The following MTIF2 variants were observed in gnomAD, a reference collection of about 807,000 sequenced individuals.
MTIF2 encodes the protein mitochondrial translational initiation factor 2.
MTIF2 carries 71 observed loss-of-function variants against 83.5 expected under a neutral mutation model. That is an observed-to-expected ratio of 0.85 (90% CI 0.70 to 1.04). The LOEUF (loss-of-function observed/expected upper bound fraction) is 1.04, where lower values mean the gene tolerates loss of function less well. MTIF2 is among the 50% of genes least tolerant of loss of function. The pLI, the probability that MTIF2 is intolerant of heterozygous loss-of-function variation, is 0.00. For missense variants in MTIF2, 957 were observed against 846.5 expected (o/e 1.13, Z -1.62); for synonymous variants, 319 against 287.1 (o/e 1.11, Z -1.12).
At chr2:55,261,524 T>C (rs1328331990) in intron 5 of MTIF2, among the ~76,000 whole-genome samples, 2 of 151,928 alleles carry the variant, frequency 1.3e-5, no homozygotes, top group Non-Finnish European at 2.9e-5. Context: ...GGAGAACCAC[T>C]TGAACCTGGG....
intron 11 of MTIF2, 120 bp from the exon 12 acceptor site, chr2:55,243,788 A>G: frequency 1.7e-6 from 2 of 1,147,988 alleles, no homozygotes; most frequent in Non-Finnish European, 2.4e-6. Context: ...TACTACTTTT[A>G]TAAGTTTCAA....
At position 55,243,137 on chromosome 2, in the gene MTIF2, T is replaced by C. The variant is rs913962632; in HGVS notation, c.1565-57A>G. On this transcript the variant is annotated intron_variant, in intron 12 of 15. Transcript: ENST00000263629. ...TTTAAGAGTTAGACATCAGCAGACA[T>C]AAAAATGACAATAATCTATTTAAAG... The C allele has an allele frequency of 2.7e-6, 4 of 1,484,914 alleles. No individual in the cohort carries two copies. The African/African-American group carries it at 5.6e-5, about 21-fold the overall frequency. The allele number at this position is 1,484,914 out of a possible 1,614,324, so 92.0% of individuals were successfully genotyped here.
At chr2:55,243,718 C>T in intron 11 of MTIF2, 50 bp from the exon 12 acceptor site, 1 of 1,576,374 alleles carries the variant, frequency 6.3e-7, no homozygotes, top group Non-Finnish European at 8.6e-7. Context: ...TCAATAACTG[C>T]TAGATTAAAG....
intron 5 of MTIF2, among the ~76,000 whole-genome samples, chr2:55,258,938 C>G (rs1320189046): frequency 4.6e-5 from 7 of 151,966 alleles, no homozygotes; most frequent in Non-Finnish European, 1.0e-4. Context: ...TAAGATCATG[C>G]CATTGCACTC....
At chr2:55,251,156 G>A (rs1304229508) in intron 8 of MTIF2, among the ~76,000 whole-genome samples, 1 of 149,474 alleles carries the variant, frequency 6.7e-6, no homozygotes, top group African/African-American at 2.5e-5. Flanking sequence ...TACATTCTAT[G>A]TTGATGAGCT....
At position 55,264,114 on chromosome 2, in the gene MTIF2, A is replaced by C. The variant is rs568638606; in HGVS notation, c.-7-249T>G. 9.8e-5 allele frequency among the ~76,000 whole-genome samples: 15 copies of C among 152,336 alleles called. No individual in the cohort carries two copies. In the South Asian group the frequency reaches 3.1e-3, roughly 32 times the overall value. ...CACTATGATAGAATTGAAATACAAT[A>C]ACAACTTGTAAAAGGCTCTTTTTTC... On this transcript the variant is annotated intron_variant, in intron 3 of 15. Transcript: ENST00000263629.
At chr2:55,256,750 G>A (rs1343340469) in intron 5 of MTIF2, among the ~76,000 whole-genome samples, 1 of 151,856 alleles carries the variant, frequency 6.6e-6, no homozygotes. Context: ...TGTTGCCCAG[G>A]CTAGAGTGCA....
chr2:55,256,230 C>G (rs1187426944), intron 5 of MTIF2, among the ~76,000 whole-genome samples: 4 of 151,868 alleles, frequency 2.6e-5, no homozygotes, highest in African/African-American at 9.7e-5. Flanking sequence ...TTTTCAAATA[C>G]AGAATCCACA....
At chr2:55,244,329 T>C (rs1390012877) in intron 10 of MTIF2, 96 bp from the exon 11 acceptor site, 1 of 890,262 alleles carries the variant, frequency 1.1e-6, no homozygotes, top group African/African-American at 1.7e-5. Flanking sequence ...AACATGTGTA[T>C]ACACAAGATT....
In MTIF2 at chr2:55,251,110, CAAAAAAAA is replaced by C. The variant is rs57949152; in HGVS notation, c.841+1359_841+1366del. ...GGGCAATAAGAGCAAAACTCCGTCT[CAAAAAAAA>C]AAAAAAAAAAAAAAGAAAAGGAAAA... On this transcript the variant is annotated intron_variant, in intron 8 of 15. Coordinates refer to ENST00000263629, the MANE Select transcript of MTIF2 (RefSeq NM_002453.3). Among the ~76,000 whole-genome samples the C allele has an allele frequency of 2.4e-4, 17 of 71,158 alleles. No individual in the cohort carries two copies. In the East Asian group the frequency reaches 5.6e-3, roughly 23 times the overall value. 46.7% of individuals were successfully genotyped at this position (71,158 alleles called of 152,430 possible).
intron 4 of MTIF2, 114 bp from the exon 5 acceptor site, chr2:55,262,541 CT>C (rs66500251): frequency 0.05 from 13,906 of 277,920 alleles, 2 homozygotes; most frequent in South Asian, 0.072. Context: ...CTTTTTTTTT[CT>C]TTTTTTTTTT....
At chr2:55,258,030 G>A (rs565186102) in intron 5 of MTIF2, among the ~76,000 whole-genome samples, 4 of 152,160 alleles carry the variant, frequency 2.6e-5, no homozygotes, top group Non-Finnish European at 2.9e-5. Context: ...GGGCTCAAGC[G>A]ATATGTTTGC....
chr2:55,241,012 C>T (rs1676262148), intron 13 of MTIF2, among the ~76,000 whole-genome samples: 1 of 151,478 alleles, frequency 6.6e-6, no homozygotes, highest in Non-Finnish European at 1.5e-5. Flanking sequence ...TTTTAAGAAG[C>T]AAGTTTCATG....
intron 4 of MTIF2, 45 bp from the exon 5 acceptor site, chr2:55,262,472 T>G (rs371400685): frequency 4.1e-5 from 51 of 1,240,594 alleles, no homozygotes; most frequent in African/African-American, 1.1e-4. Context: ...AAGAAAAAAC[T>G]TAAGTGACAA....
Position 55,236,622 on chromosome 2 carries a change from G to GAGTT in MTIF2, c.*22_*25dup. ...TCTACCTTCAAACAAACAACACGTT[G>GAGTT]AGTTATTTACATTTTTAATGTAATT... On this transcript the variant is annotated 3_prime_UTR_variant, in exon 16 of 16. Transcript: ENST00000263629. 5 of 1,560,004 alleles carry GAGTT rather than the reference G, an allele frequency of 3.2e-6. No homozygotes were observed. Among genetic ancestry groups the GAGTT allele is most frequent in the Non-Finnish European group, 4.3e-6 (5 of 1,157,372 alleles).
In MTIF2 at chr2:55,254,678, C is replaced by A; in HGVS notation, c.479G>T (p.Arg160Ile). 2 of 1,604,334 alleles carry A rather than the reference C, an allele frequency of 1.2e-6. No homozygotes were observed. Among genetic ancestry groups the A allele is most frequent in the Non-Finnish European group, 1.7e-6 (2 of 1,176,168 alleles). The change falls in exon 6 of 16, where the codon AGA becomes ATA. Residue 160 changes from arginine (R) to isoleucine (I), a missense_variant. Physicochemically the swap from Arg to Ile is moderately conservative, Grantham distance 97. This residue lies in a region of MTIF2 where 733 missense variants were observed against 648.7 expected (regional missense o/e 1.13). Transcript: ENST00000263629. ...KWSKLKQDKVRKNKDAVRRPQ... is the reference protein window; with the variant it reads ...KWSKLKQDKVIKNKDAVRRPQ... ...CCTTCTTACAGCATCTTTATTTTTT[C>A]TGACTTTGTCCTGTTTTAATTTACT...
intron 2 of MTIF2, among the ~76,000 whole-genome samples, chr2:55,268,167 C>T (rs559500175): frequency 2.0e-5 from 3 of 151,962 alleles, no homozygotes; most frequent in South Asian, 4.1e-4. Context: ...GCAGGAGAAT[C>T]GCTTGAACCC....
chr2:55,253,901 G>C, intron 7 of MTIF2, 140 bp downstream of exon 7: 1 of 855,006 alleles, frequency 1.2e-6, no homozygotes, highest in Non-Finnish European at 1.8e-6. Context: ...CTAACCACTT[G>C]CTCTACATTT....
chr2:55,261,593 G>C (rs1005276862), intron 5 of MTIF2, among the ~76,000 whole-genome samples: 1 of 151,914 alleles, frequency 6.6e-6, no homozygotes, highest in African/African-American at 2.4e-5. Context: ...GGCAACGAGA[G>C]TGAAACTCCA....
Sources: allele counts gnomAD v4.1 joint callset (sites outside exome capture counted in the v4.1 genomes callset), GRCh38; gene constraint gnomAD v4.1.1; regional missense constraint gnomAD v4.1.1; transcripts MANE v1.5; gene names NCBI Gene and HGNC (gene_info 2026-07-23, HGNC 2026-07-21).